The following DMD variants were observed in gnomAD, a reference collection of about 807,000 sequenced individuals.
The protein encoded by DMD is mutant dystrophin.
DMD carries 63 observed loss-of-function variants against 330.1 expected under a neutral mutation model. The ratio of observed to expected loss-of-function variants is 0.19; its 90% CI spans 0.16 to 0.24. DMD has a LOEUF of 0.24. DMD is among the 10% of genes least tolerant of loss of function. DMD has a pLI of 1.00. For synonymous variants in DMD, 1,223 were observed against 959.8 expected, an observed-to-expected ratio of 1.27 and a Z score of -5.07; for missense variants, 3,344 against 2,684.1, an observed-to-expected ratio of 1.25 and a Z score of -5.43.
chrX:33,091,678 C>A (rs1009983372), intron 1 of DMD, among the ~76,000 whole-genome samples: 1 of 111,728 alleles, frequency 9.0e-6, no homozygotes, highest in East Asian at 2.8e-4. Flanking sequence ...TTAGTACGGG[C>A]TGGAGATAAT....
chrX:32,858,358 T>A (rs183729129), intron 2 of DMD, among the ~76,000 whole-genome samples: 295 of 112,050 alleles, frequency 2.6e-3, no homozygotes, highest in Middle Eastern at 9.3e-3. Context: ...TGAGACAGAG[T>A]CTCGCTCTGT....
intron 15 of DMD, among the ~76,000 whole-genome samples, chrX:32,571,808 C>G (rs1443911288): frequency 9.0e-6 from 1 of 111,617 alleles, no homozygotes; most frequent in African/African-American, 3.3e-5. Flanking sequence ...TGTCTAGGAA[C>G]CATTTCAAAC....
intron 9 of DMD, among the ~76,000 whole-genome samples, chrX:32,681,439 T>G (rs773570355): frequency 8.9e-6 from 1 of 111,956 alleles, no homozygotes. Flanking sequence ...TACTCATTCT[T>G]TTATACGTAA....
At chrX:32,072,840 T>G (rs1439353201) in intron 44 of DMD, among the ~76,000 whole-genome samples, 1 of 112,161 alleles carries the variant, frequency 8.9e-6, no homozygotes, top group African/African-American at 3.2e-5. Flanking sequence ...TTTATTTTCT[T>G]AATGCTTTGT....
intron 2 of DMD, among the ~76,000 whole-genome samples, chrX:32,921,820 CATTT>C (rs761105062): frequency 3.6e-5 from 4 of 111,312 alleles, no homozygotes; most frequent in Non-Finnish European, 5.7e-5. Flanking sequence ...TTCATCCAAC[CATTT>C]ATTTATTTAT....
rs3990972 is a variant in DMD at position 33,180,843 on chromosome X, C to CT, written c.31+30438dup. On this transcript the variant is annotated intron_variant, in intron 1 of 78. Coordinates refer to ENST00000357033, the MANE Select transcript of DMD (RefSeq NM_004006.3). ...CATATCGAGAGATAATGTCTAAGAGCTTTTTTTTTTTTTTTTTTTAAGAGC... is the reference window on the plus strand; with the variant it reads ...CATATCGAGAGATAATGTCTAAGAGCTTTTTTTTTTTTTTTTTTTTAAGAGC... Among the ~76,000 whole-genome samples the CT allele has an allele frequency of 1.8e-3, 155 of 84,749 alleles. 2 individuals are homozygous for CT. Among genetic ancestry groups the CT allele is most frequent in the African/African-American group, 6.5e-3 (144 of 22,167 alleles). The allele number at this position is 84,749 out of a possible 115,157, so 73.6% of individuals were successfully genotyped here.
upstream of DMD, among the ~76,000 whole-genome samples, chrX:33,212,936 G>A (rs765624415): frequency 1.4e-4 from 16 of 111,421 alleles, no homozygotes; most frequent in Non-Finnish European, 2.8e-4. Context: ...ATGCTGTGAG[G>A]TACAATATTG....
chrX:32,804,134 A>T (rs1190554471), intron 7 of DMD, among the ~76,000 whole-genome samples: 1 of 110,626 alleles, frequency 9.0e-6, no homozygotes, highest in Non-Finnish European at 1.9e-5. Flanking sequence ...AGAACCGTTC[A>T]CTCCCCTGGA....
intron 51 of DMD, among the ~76,000 whole-genome samples, chrX:31,731,136 G>A (rs1283084326): frequency 9.0e-6 from 1 of 111,310 alleles, no homozygotes; most frequent in East Asian, 2.8e-4. Context: ...AAAATTGGAG[G>A]GGCTAACTTT....
chrX:32,327,479 T>C (rs1413653719), intron 41 of DMD, among the ~76,000 whole-genome samples: 1 of 111,281 alleles, frequency 9.0e-6, no homozygotes, highest in Admixed American at 9.7e-5. Flanking sequence ...TATTTAATAT[T>C]ATTTTCCCAA....
chrX:32,667,978 T>TA (rs113039155), intron 9 of DMD, among the ~76,000 whole-genome samples: 12,741 of 101,447 alleles, frequency 0.13, 2,100 homozygotes, highest in African/African-American at 0.44. Context: ...TGTCACTATT[T>TA]AAAAAAAAAA....
chrX:32,698,291 A>G (rs1360817537), intron 8 of DMD, among the ~76,000 whole-genome samples: 1 of 111,400 alleles, frequency 9.0e-6, no homozygotes, highest in East Asian at 2.8e-4. Flanking sequence ...GTACTCTTCA[A>G]TCCGGCAAAA....
chrX:32,895,893 G>A (rs1054088447), intron 2 of DMD, among the ~76,000 whole-genome samples: 2 of 108,846 alleles, frequency 1.8e-5, no homozygotes, highest in African/African-American at 6.7e-5. Context: ...GTGTAAATAA[G>A]CAACATTGCT....
rs72467955 is a variant in DMD, at chrX:31,267,105, G to GAGAAAGAA, written c.9225-6097_9225-6090dup. ...TTCAAAACGGAAAGGAAAAAGAAAA[G>GAGAAAGAA]AGAAAGAAAGAAAGAAAGAAAGAAA... is the stretch of plus-strand genomic sequence containing the variant. On this transcript the variant is annotated intron_variant, in intron 62 of 78. Transcript: ENST00000357033. 0.016 allele frequency among the ~76,000 whole-genome samples: 1,744 copies of GAGAAAGAA among 105,861 alleles called. 16 individuals carry two copies. Among genetic ancestry groups the GAGAAAGAA allele is most frequent in the African/African-American group, 0.022 (647 of 28,847 alleles). 91.9% of individuals were successfully genotyped at this position (105,861 alleles called of 115,157 possible).
rs760161987 is a variant in DMD at position 31,936,693 on chromosome X, T to TTGA, written c.6615-4469_6615-4467dup. ...GTTTATTTCTTTGATATTATGTTCA[T>TTGA]TGATAGTATCCTTAAAATTGTGGCC... On this transcript the variant is annotated intron_variant, in intron 45 of 78. Coordinates refer to ENST00000357033, the MANE Select transcript of DMD (RefSeq NM_004006.3). 4.5e-5 allele frequency among the ~76,000 whole-genome samples: 5 copies of TTGA among 111,886 alleles called. No homozygotes were observed. In the East Asian group the frequency reaches 1.4e-3, roughly 31 times the overall value.
intron 4 of DMD, among the ~76,000 whole-genome samples, chrX:32,843,469 T>C (rs1404602698): frequency 8.9e-6 from 1 of 111,982 alleles, no homozygotes; most frequent in Non-Finnish European, 1.9e-5. Context: ...AAAATAACTT[T>C]CATAGGTTAA....
chrX:32,731,671 G>C (rs961318614), intron 7 of DMD, among the ~76,000 whole-genome samples: 1 of 111,856 alleles, frequency 8.9e-6, no homozygotes, highest in Non-Finnish European at 1.9e-5. Flanking sequence ...TCACACGGCA[G>C]GGTACTCCAA....
intron 44 of DMD, among the ~76,000 whole-genome samples, chrX:32,175,657 T>C (rs1054112616): frequency 9.0e-6 from 1 of 111,003 alleles, no homozygotes; most frequent in African/African-American, 3.3e-5. Flanking sequence ...TAAGTAAGTC[T>C]GTCTTCATGG....
At chrX:33,211,228 A>G (rs1415310725) in intron 1 of DMD, 54 bp downstream of exon 1, 2 of 1,180,481 alleles carry the variant, frequency 1.7e-6, no homozygotes, top group Non-Finnish European at 2.3e-6. Flanking sequence ...TGAGCTTGTC[A>G]CAAACTAAAC....
Sources: allele counts gnomAD v4.1 joint callset (sites outside exome capture counted in the v4.1 genomes callset), GRCh38; gene constraint gnomAD v4.1.1; transcripts MANE v1.5; gene names NCBI Gene and HGNC (gene_info 2026-07-23, HGNC 2026-07-21).